SHROOM3: variants seen among roughly 807,000 people sequenced by gnomAD.
SHROOM3 encodes protein Shroom3.
A neutral mutation model predicts 138.6 loss-of-function variants in SHROOM3; 47 were observed. That is an observed-to-expected ratio of 0.34 (90% CI 0.27 to 0.43). The LOEUF (loss-of-function observed/expected upper bound fraction) is 0.43. SHROOM3 is among the 20% of genes least tolerant of loss of function. The probability of loss-of-function intolerance (pLI) is 1.00; values close to 1 mark genes in which losing one functional copy is unlikely to be tolerated. For synonymous variants in SHROOM3, 1,062 were observed against 1,063.3 expected (o/e 1.00, Z 0.02); for missense variants, 2,491 against 2,596.5 (o/e 0.96, Z 0.88).
At chr4:76,691,467 G>A (rs1287332241) in intron 2 of SHROOM3, among the ~76,000 whole-genome samples, 1 of 152,254 alleles carries the variant, frequency 6.6e-6, no homozygotes, top group Middle Eastern at 3.4e-3. Context: ...GTGGAGCCCT[G>A]TTTTGATTTA....
intron 1 of SHROOM3, among the ~76,000 whole-genome samples, chr4:76,502,149 C>T (rs546000581): frequency 3.3e-5 from 5 of 152,140 alleles, no homozygotes; most frequent in Admixed American, 2.6e-4. Flanking sequence ...TGTGCCGTCT[C>T]GGGACTCTCC....
rs1273246381 is a variant in SHROOM3 at position 76,783,186 on chromosome 4, T to C, written c.*4009T>C. 1.3e-5 allele frequency: 2 copies of C among 152,204 alleles called. No homozygotes were observed. Among genetic ancestry groups the C allele is most frequent in the Admixed American group, 6.5e-5 (1 of 15,278 alleles). The allele number at this position is 152,204 out of a possible 1,614,324, so 9.4% of individuals were successfully genotyped here. A position where few individuals can be genotyped will look rare whatever the true frequency, so the allele number is the denominator to read the frequency against. ...AACATGAATTTAATAATCTGAATAA[T>C]TTTTAAAATTTAAATAAACAGAAAT... On this transcript the variant is annotated 3_prime_UTR_variant, in exon 11 of 11. Transcript: ENST00000296043.
chr4:76,687,113 G>T (rs1719364532), intron 2 of SHROOM3, among the ~76,000 whole-genome samples: 2 of 152,182 alleles, frequency 1.3e-5, no homozygotes, highest in South Asian at 4.1e-4. Context: ...AATTTTAATG[G>T]CATGTGAATC....
intron 2 of SHROOM3, among the ~76,000 whole-genome samples, chr4:76,561,540 G>A (rs940820141): frequency 6.6e-6 from 1 of 151,984 alleles, no homozygotes; most frequent in African/African-American, 2.4e-5. Context: ...GTAAGGACTT[G>A]TCCAAGGCCA....
chr4:76,460,827 C>CAAAAAAAAAGAAAAAAA (rs1731125784), intron 1 of SHROOM3, among the ~76,000 whole-genome samples: 1 of 78,770 alleles, frequency 1.3e-5, no homozygotes, highest in Non-Finnish European at 2.4e-5. Context: ...CCCGTATCTA[C>CAAAAAAAAAGAAAAAAA]AAAAAAAAAA....
At chr4:76,566,310 T>G (rs75495079) in intron 2 of SHROOM3, among the ~76,000 whole-genome samples, 1 of 152,036 alleles carries the variant, frequency 6.6e-6, no homozygotes, top group African/African-American at 2.4e-5. Flanking sequence ...TATGCAAATA[T>G]GACATCATTT....
chr4:76,633,679 GA>G (rs1363600830), intron 2 of SHROOM3, among the ~76,000 whole-genome samples: 36 of 85,670 alleles, frequency 4.2e-4, no homozygotes, highest in Non-Finnish European at 7.1e-4. Flanking sequence ...AAAAAAAAAA[GA>G]AAAGAAATTC....
intron 2 of SHROOM3, among the ~76,000 whole-genome samples, chr4:76,648,341 A>G (rs1735872634): frequency 6.6e-6 from 1 of 152,178 alleles, no homozygotes; most frequent in Non-Finnish European, 1.5e-5. Context: ...AAAAAGAAAG[A>G]AAGAAAAACA....
chr4:76,596,643 C>G (rs1191728101), intron 2 of SHROOM3, among the ~76,000 whole-genome samples: 1 of 151,586 alleles, frequency 6.6e-6, no homozygotes, highest in Admixed American at 6.6e-5. Flanking sequence ...CAGATGCTGC[C>G]TCTCCCAAGG....
At chr4:76,449,175 A>G (rs1179452115) in intron 1 of SHROOM3, among the ~76,000 whole-genome samples, 5 of 152,140 alleles carry the variant, frequency 3.3e-5, no homozygotes, top group African/African-American at 1.2e-4. Flanking sequence ...CTTTTGTTCT[A>G]TAGGTTAAGG....
chr4:76,734,296 AT>A (rs1720966305), intron 4 of SHROOM3, among the ~76,000 whole-genome samples: 1 of 152,056 alleles, frequency 6.6e-6, no homozygotes, highest in Non-Finnish European at 1.5e-5. Flanking sequence ...TAAATTATAT[AT>A]TTCTCTTTTA....
intron 1 of SHROOM3, among the ~76,000 whole-genome samples, chr4:76,474,195 A>G (rs1731435698): frequency 6.6e-6 from 1 of 152,254 alleles, no homozygotes; most frequent in Non-Finnish European, 1.5e-5. Context: ...AAGGCCACAC[A>G]TTGTATAATT....
At chr4:76,599,658 AT>A (rs1734463241) in intron 2 of SHROOM3, among the ~76,000 whole-genome samples, 3 of 152,310 alleles carry the variant, frequency 2.0e-5, no homozygotes, top group African/African-American at 7.2e-5. Context: ...CTGGGTTTGA[AT>A]TCCTAGTTCA....
chr4:76,512,976 G>A (rs1732369595), intron 1 of SHROOM3, among the ~76,000 whole-genome samples: 1 of 152,182 alleles, frequency 6.6e-6, no homozygotes, highest in African/African-American at 2.4e-5. Context: ...ACATCTACAT[G>A]AGCAAGTCTT....
intron 2 of SHROOM3, among the ~76,000 whole-genome samples, chr4:76,698,546 C>G (rs1232057646): frequency 6.6e-6 from 1 of 152,170 alleles, no homozygotes; most frequent in Non-Finnish European, 1.5e-5. Context: ...CATTGGGACC[C>G]TCAGAGACCT....
At chr4:76,730,292 T>G (rs1192966671) in intron 3 of SHROOM3, among the ~76,000 whole-genome samples, 5 of 152,252 alleles carry the variant, frequency 3.3e-5, no homozygotes, top group Admixed American at 2.0e-4. Context: ...AGGTTGCTGC[T>G]AATGTTTCTG....
chr4:76,554,939 G>A (rs1239432722), intron 1 of SHROOM3, among the ~76,000 whole-genome samples: 2 of 151,668 alleles, frequency 1.3e-5, no homozygotes, highest in Admixed American at 1.3e-4. Context: ...ACCCTATTGT[G>A]AACTACACAT....
At chr4:76,626,700 A>G (rs1735152958) in intron 2 of SHROOM3, among the ~76,000 whole-genome samples, 1 of 152,212 alleles carries the variant, frequency 6.6e-6, no homozygotes, top group Non-Finnish European at 1.5e-5. Flanking sequence ...TTTACAGAGG[A>G]AGGAATTGAG....
chr4:76,513,834 T>A (rs1732390114), intron 1 of SHROOM3, among the ~76,000 whole-genome samples: 1 of 152,210 alleles, frequency 6.6e-6, no homozygotes. Flanking sequence ...CTTTGATTTT[T>A]CTTATCCGGG....
Sources: allele counts gnomAD v4.1 joint callset (sites outside exome capture counted in the v4.1 genomes callset), GRCh38; gene constraint gnomAD v4.1.1; transcripts MANE v1.5; gene names NCBI Gene and HGNC (gene_info 2026-07-23, HGNC 2026-07-21).